The following AP4E1 variants were observed in gnomAD, a reference collection of about 807,000 sequenced individuals.
The protein encoded by AP4E1 is AP-4 complex subunit epsilon-1.
Under a neutral mutation model 128.2 loss-of-function variants are expected in AP4E1, and 56 were observed. The ratio of observed to expected loss-of-function variants is 0.44; its 90% CI spans 0.35 to 0.55. The LOEUF (loss-of-function observed/expected upper bound fraction) is 0.55, where lower values mean the gene tolerates loss of function less well. Among genes scored for constraint, AP4E1 ranks in the 20% least tolerant of loss-of-function variants. AP4E1 has a pLI of 0.00. For missense variants in AP4E1, 1,324 were observed against 1,307.7 expected, an observed-to-expected ratio of 1.01 and a Z score of -0.19; for synonymous variants, 484 against 473.1, an observed-to-expected ratio of 1.02 and a Z score of -0.30.
At chr15:50,951,015 T>G (rs187663838) in intron 13 of AP4E1, among the ~76,000 whole-genome samples, 1 of 152,362 alleles carries the variant, frequency 6.6e-6, no homozygotes, top group East Asian at 1.9e-4. Flanking sequence ...TTATCCAGTC[T>G]ATCATTGATA....
chr15:50,996,926 A>G (rs2064882195), intron 17 of AP4E1, among the ~76,000 whole-genome samples: 1 of 152,212 alleles, frequency 6.6e-6, no homozygotes, highest in Non-Finnish European at 1.5e-5. Flanking sequence ...AGGTTGGGTC[A>G]TCCCTGCATT....
intron 13 of AP4E1, among the ~76,000 whole-genome samples, chr15:50,957,641 A>G (rs575368905): frequency 1.1e-4 from 17 of 148,754 alleles, no homozygotes; most frequent in African/African-American, 4.2e-4. Flanking sequence ...TATGTCACCT[A>G]AGTTAGATGT....
chr15:50,946,092 A>T, intron 10 of AP4E1: 4 of 605,028 alleles, frequency 6.6e-6, no homozygotes, highest in Non-Finnish European at 1.2e-5. Flanking sequence ...TTAATTGCAT[A>T]CATTTTAGTT....
At chr15:50,920,861 C>T (rs1374083173) in intron 3 of AP4E1, among the ~76,000 whole-genome samples, 3 of 152,222 alleles carry the variant, frequency 2.0e-5, no homozygotes, top group Admixed American at 6.5e-5. Flanking sequence ...TGCAATGGCA[C>T]GATCTCGGCT....
rs766696884 is a variant in AP4E1, at chr15:50,968,278, T to C, written c.1867T>C (p.Ser623Pro). 40 of 1,613,024 alleles carry C rather than the reference T, an allele frequency of 2.5e-5. No homozygotes were observed. Among genetic ancestry groups the C allele is most frequent in the Non-Finnish European group, 3.1e-5 (37 of 1,179,428 alleles). ...CEDLVVDASL[S>P]FLDGFVAEGL... The stretch of plus-strand genomic sequence containing the variant: ...TTTAATATAGGTAGATGCTTCTTTA[T>C]CTTTTCTGGATGGTTTTGTGGCTGA... The change falls in exon 15 of 21, where the codon TCT (serine) becomes CCT (proline). Residue 623 changes from serine to proline, a missense_variant. Physicochemically the swap from Ser to Pro is moderately conservative, Grantham distance 74 (BLOSUM62 -1). Transcript: ENST00000261842.
intron 14 of AP4E1, among the ~76,000 whole-genome samples, chr15:50,963,968 A>G (rs570546956): frequency 6.6e-6 from 1 of 152,346 alleles, no homozygotes; most frequent in Admixed American, 6.5e-5. Flanking sequence ...GTACTGGATT[A>G]CAGGCGTGAG....
In AP4E1 at chr15:50,948,133, C is replaced by G. The variant is rs767875770; in HGVS notation, c.1290C>G (p.Val430=). Residue 430 remains valine, a synonymous_variant, in exon 11 of 21, where the codon GTC becomes GTG. Transcript: ENST00000261842. Reference sequence around the variant, plus strand: ...AAGAGTATGTCATCGTCAATTTGGTCGGCAAAATAGCAGAGCTGGCTGAGA... The same window carrying G: ...AAGAGTATGTCATCGTCAATTTGGTGGGCAAAATAGCAGAGCTGGCTGAGA... ...SKEEYVIVNL[V]GKIAELAEKY... is the part of the protein sequence containing the mutation. 6.2e-7 allele frequency: 1 copy of G among 1,613,838 alleles called. No homozygotes were observed. Among genetic ancestry groups the G allele is most frequent in the Non-Finnish European group, 8.5e-7 (1 of 1,179,932 alleles).
intron 7 of AP4E1, among the ~76,000 whole-genome samples, chr15:50,934,156 T>C (rs985976097): frequency 6.6e-6 from 1 of 152,130 alleles, no homozygotes; most frequent in African/African-American, 2.4e-5. Flanking sequence ...AATGTAAATG[T>C]AAGTAAAAAT....
intron 3 of AP4E1, among the ~76,000 whole-genome samples, chr15:50,916,594 G>A (rs1272130365): frequency 6.6e-6 from 1 of 152,166 alleles, no homozygotes; most frequent in Non-Finnish European, 1.5e-5. Context: ...ATATTGCTCT[G>A]TGCTATCAGA....
At chr15:50,987,918 G>A (rs2064750776) in intron 16 of AP4E1, among the ~76,000 whole-genome samples, 1 of 152,050 alleles carries the variant, frequency 6.6e-6, no homozygotes, top group South Asian at 2.1e-4. Context: ...CATAAAATAT[G>A]TACAAGCTTT....
chr15:50,927,023 G>A (rs8035618), intron 5 of AP4E1, among the ~76,000 whole-genome samples: 5 of 152,138 alleles, frequency 3.3e-5, no homozygotes, highest in East Asian at 1.9e-4. Flanking sequence ...TGTTTAGAAC[G>A]AAGGATGATT....
upstream of AP4E1, chr15:50,908,561 C>T (rs916182807): frequency 4.5e-5 from 23 of 513,422 alleles, no homozygotes; most frequent in Non-Finnish European, 6.0e-5. Flanking sequence ...CGCGCGCAAT[C>T]TCGAGCGAGC....
chr15:50,922,946 T>G (rs1169375761), intron 3 of AP4E1, among the ~76,000 whole-genome samples: 1 of 151,870 alleles, frequency 6.6e-6, no homozygotes, highest in African/African-American at 2.4e-5. Flanking sequence ...CCTGGCTAAT[T>G]TTTTGTATTT....
At chr15:50,958,374 A>T in intron 13 of AP4E1, 118 bp from the exon 14 acceptor site, 1 of 807,412 alleles carries the variant, frequency 1.2e-6, no homozygotes, top group African/African-American at 1.7e-5. Flanking sequence ...TTTCACCATG[A>T]GAGGATGTTT....
chr15:50,969,257 G>A (rs1465438576), intron 15 of AP4E1, among the ~76,000 whole-genome samples: 1 of 152,110 alleles, frequency 6.6e-6, no homozygotes, highest in Non-Finnish European at 1.5e-5. Context: ...AGAACATGCG[G>A]TATTTGGCTT....
intron 1 of AP4E1, 89 bp downstream of exon 1, chr15:50,909,017 C>T: frequency 6.4e-7 from 1 of 1,570,222 alleles, no homozygotes; most frequent in Non-Finnish European, 8.6e-7. Context: ...ACTTCAGGGC[C>T]TCTGGGGTTA....
At chr15:50,943,250 CTACTAAA>C (rs2064012079) in intron 10 of AP4E1, among the ~76,000 whole-genome samples, 1 of 152,060 alleles carries the variant, frequency 6.6e-6, no homozygotes, top group East Asian at 1.9e-4. Context: ...AAAAGAGAAT[CTACTAAA>C]TACTAAACAT....
At chr15:50,933,570 A>AT (rs11353844) in intron 7 of AP4E1, among the ~76,000 whole-genome samples, 3 of 151,892 alleles carry the variant, frequency 2.0e-5, no homozygotes, top group Non-Finnish European at 4.4e-5. Flanking sequence ...AATATTACCA[A>AT]TTTTTTTTGG....
chr15:50,960,558 A>C (rs944359487), intron 14 of AP4E1, among the ~76,000 whole-genome samples: 5 of 152,112 alleles, frequency 3.3e-5, no homozygotes, highest in African/African-American at 1.2e-4. Context: ...AAGAAAATGA[A>C]AAAATTTCTT....
Sources: gnomAD v4.1 joint callset for allele counts (sites outside exome capture counted in the v4.1 genomes callset) on GRCh38, gnomAD v4.1.1 for gene constraint, MANE v1.5 for transcripts, NCBI Gene and HGNC (gene_info 2026-07-23, HGNC 2026-07-21) for gene names.